SYT14: variants seen among roughly 807,000 people sequenced by gnomAD.
SYT14 encodes the protein synaptotagmin-14.
SYT14 carries 32 observed loss-of-function variants against 74.2 expected under a neutral mutation model. That is an observed-to-expected ratio of 0.43 (90% CI 0.33 to 0.58). The LOEUF (loss-of-function observed/expected upper bound fraction) is 0.58, where lower values mean the gene tolerates loss of function less well. SYT14 is among the 20% of genes least tolerant of loss of function. SYT14 has a pLI of 0.05. For missense variants in SYT14, 791 were observed against 981.8 expected, an observed-to-expected ratio of 0.81 and a Z score of 2.60; for synonymous variants, 298 against 337.7, an observed-to-expected ratio of 0.88 and a Z score of 1.29.
At chr1:210,017,190 T>C (rs934866798) in intron 4 of SYT14, 102 of 868,070 alleles carry the variant, frequency 1.2e-4, no homozygotes, top group Non-Finnish European at 9.7e-5. Context: ...TCAGCTTTCC[T>C]GTTCATGTGT....
At chr1:209,985,102 A>G (rs1392354897) in intron 2 of SYT14, among the ~76,000 whole-genome samples, 1 of 152,194 alleles carries the variant, frequency 6.6e-6, no homozygotes, top group African/African-American at 2.4e-5. Flanking sequence ...GTTGCTAAAT[A>G]TAATCAGGCC....
intron 1 of SYT14, among the ~76,000 whole-genome samples, chr1:209,950,606 T>G (rs2078896736): frequency 6.6e-6 from 1 of 152,184 alleles, no homozygotes; most frequent in Middle Eastern, 3.2e-3. Context: ...GTATTTTTAA[T>G]AAGAAAGAAG....
chr1:210,132,630 C>T (rs1447397781), intron 7 of SYT14, among the ~76,000 whole-genome samples: 4 of 150,844 alleles, frequency 2.7e-5, no homozygotes, highest in South Asian at 2.1e-4. Flanking sequence ...TTGACCATTA[C>T]GCACATGTGG....
intron 1 of SYT14, 123 bp downstream of exon 1, chr1:209,938,400 G>A (rs1344466474): frequency 4.2e-6 from 4 of 944,790 alleles, no homozygotes. Context: ...GCCGGCTGAA[G>A]ACGCGCGGGG....
intron 7 of SYT14, among the ~76,000 whole-genome samples, chr1:210,132,813 C>G (rs1360044089): frequency 6.6e-6 from 1 of 152,110 alleles, no homozygotes; most frequent in African/African-American, 2.4e-5. Context: ...AGTCCCTAGC[C>G]TCTCTTCTGG....
chr1:209,969,606 G>T (rs1367015643), intron 2 of SYT14, among the ~76,000 whole-genome samples: 1 of 149,768 alleles, frequency 6.7e-6, no homozygotes, highest in Non-Finnish European at 1.5e-5. Context: ...TCCTTCCTCA[G>T]CCTCCCAAGT....
intron 7 of SYT14, among the ~76,000 whole-genome samples, chr1:210,132,567 T>TTATGTG (rs147481736): frequency 3.4e-4 from 50 of 145,078 alleles, no homozygotes; most frequent in African/African-American, 9.5e-4. Flanking sequence ...ATTTTATATA[T>TTATGTG]TGTGTGTGTG....
intron 1 of SYT14, among the ~76,000 whole-genome samples, chr1:209,944,800 T>A (rs989184504): frequency 2.6e-5 from 4 of 152,102 alleles, no homozygotes; most frequent in African/African-American, 7.2e-5. Context: ...GAGGACAGGT[T>A]AAGAAGTATG....
At chr1:210,156,765 CT>C (rs2083277466) in intron 8 of SYT14, 1 of 160,916 alleles carries the variant, frequency 6.2e-6, no homozygotes, top group Non-Finnish European at 1.3e-5. Flanking sequence ...ATGATCTCGG[CT>C]CACTGAAACC....
chr1:209,938,936 C>T (rs563493785), intron 1 of SYT14, among the ~76,000 whole-genome samples: 5 of 152,230 alleles, frequency 3.3e-5, no homozygotes, highest in African/African-American at 1.2e-4. Flanking sequence ...AAGTAAATAA[C>T]GTCTTTACAA....
Position 210,142,336 on chromosome 1 carries a change from A to G in SYT14, c.2035-13385A>G, listed in dbSNP as rs115290593. ...CACAGTATTGAGCCATTTTTCTTGA[A>G]TAAACACTCCTTGGAGTGTTGCAGG... On this transcript the variant is annotated intron_variant, in intron 7 of 9. Transcript: ENST00000637265. Among the ~76,000 whole-genome samples the G allele has an allele frequency of 5.7e-3, 874 of 152,320 alleles. 11 individuals are homozygous for G. The highest frequency in any genetic ancestry group is 0.02 in the African/African-American group (850 of 41,566).
intron 2 of SYT14, among the ~76,000 whole-genome samples, chr1:209,956,859 T>A (rs72649923): frequency 0.05 from 7,594 of 152,144 alleles, 1,026 homozygotes; most frequent in East Asian, 0.41. Flanking sequence ...AGGGTTGTTT[T>A]GTTTTGTTTT....
rs77752776 is a variant in SYT14 at position 210,104,175 on chromosome 1, G to A, written c.2034+3714G>A. On this transcript the variant is annotated intron_variant, in intron 7 of 9. Transcript: ENST00000637265. ...AAAATAGCTCTGCTGATGCAGAAAT[G>A]GTATTGGTGCTGGGCCACTAACAGT... Among the ~76,000 whole-genome samples, 381 of 152,336 alleles carry A rather than the reference G, an allele frequency of 2.5e-3. 1 individual carries two copies. Among genetic ancestry groups the A allele is most frequent in the Non-Finnish European group, 3.9e-3 (263 of 68,028 alleles).
At chr1:210,163,345 A>G in exon 10 of SYT14, 1 of 453,782 alleles carries the variant, frequency 2.2e-6, no homozygotes, top group Non-Finnish European at 4.4e-6. Context: ...CAAATCCTTC[A>G]TGGCTTAAAA....
chr1:210,128,721 C>T (rs1045989828), intron 7 of SYT14, among the ~76,000 whole-genome samples: 7 of 152,108 alleles, frequency 4.6e-5, no homozygotes, highest in African/African-American at 1.4e-4. Flanking sequence ...GTGTCTATTT[C>T]GGGGACTCAA....
intron 5 of SYT14, among the ~76,000 whole-genome samples, chr1:210,084,199 A>T (rs1470941863): frequency 6.6e-6 from 1 of 152,224 alleles, no homozygotes; most frequent in East Asian, 1.9e-4. Context: ...GCTCTGCATG[A>T]TACTCAAAGC....
intron 5 of SYT14, among the ~76,000 whole-genome samples, chr1:210,091,996 A>G (rs914079160): frequency 3.3e-5 from 5 of 152,224 alleles, no homozygotes; most frequent in Non-Finnish European, 7.3e-5. Flanking sequence ...CTTACGTTGG[A>G]AAATTTTTAA....
At chr1:210,067,546 G>T (rs1287440871) in intron 5 of SYT14, among the ~76,000 whole-genome samples, 1 of 151,896 alleles carries the variant, frequency 6.6e-6, no homozygotes, top group African/African-American at 2.4e-5. Flanking sequence ...TATATTCTGA[G>T]AACTTTTTTA....
chr1:210,124,256 TA>T (rs1416886810), intron 7 of SYT14, among the ~76,000 whole-genome samples: 1 of 146,588 alleles, frequency 6.8e-6, no homozygotes, highest in Non-Finnish European at 1.5e-5. Context: ...AAAAAAAAAA[TA>T]AATAAATAAC....
Sources: allele counts gnomAD v4.1 joint callset (sites outside exome capture counted in the v4.1 genomes callset), GRCh38; gene constraint gnomAD v4.1.1; transcripts MANE v1.5; gene names NCBI Gene and HGNC (gene_info 2026-07-23, HGNC 2026-07-21).